Variants in CLASP1 observed in about 807,000 individuals in gnomAD.
The protein encoded by CLASP1 is cytoplasmic linker associated protein 1, also known as CLIP-associating protein 1.
Under a neutral mutation model 192.3 loss-of-function variants are expected in CLASP1, and 38 were observed. That is an observed-to-expected ratio of 0.20 (90% CI 0.15 to 0.26). The LOEUF is 0.26. Among genes scored for constraint, CLASP1 ranks in the 10% least tolerant of loss-of-function variants. CLASP1 has a pLI of 1.00. For missense variants in CLASP1, 1,433 were observed against 1,932.5 expected, an observed-to-expected ratio of 0.74 and a Z score of 4.85; for synonymous variants, 691 against 712.8, an observed-to-expected ratio of 0.97 and a Z score of 0.49.
intron 33 of CLASP1, among the ~76,000 whole-genome samples, chr2:121,377,937 G>C (rs1330533493): frequency 1.3e-5 from 2 of 152,182 alleles, no homozygotes; most frequent in Non-Finnish European, 2.9e-5. Context: ...ACTGGTGACT[G>C]AAGGCACGAG....
chr2:121,466,980 C>T (rs1030636617), intron 9 of CLASP1, among the ~76,000 whole-genome samples: 2 of 152,184 alleles, frequency 1.3e-5, no homozygotes, highest in Non-Finnish European at 2.9e-5. Flanking sequence ...CCACCCCAAA[C>T]CCTGCAACAG....
intron 6 of CLASP1, among the ~76,000 whole-genome samples, chr2:121,521,424 G>A (rs2094453100): frequency 6.6e-6 from 1 of 152,154 alleles, no homozygotes; most frequent in African/African-American, 2.4e-5. Flanking sequence ...TACCGGTGCT[G>A]TGCCTGTGCT....
intron 1 of CLASP1, among the ~76,000 whole-genome samples, chr2:121,640,341 C>T (rs1000729219): frequency 6.6e-6 from 1 of 152,034 alleles, no homozygotes; most frequent in Non-Finnish European, 1.5e-5. Context: ...GCACGTTGTG[C>T]ACATGTACCC....
chr2:121,646,703 A>G lies in CLASP1; in HGVS notation c.-286+2669T>C, dbSNP rs561608036. Reference sequence around the variant, plus strand: ...CATCTCATTCAACTTATAAATCAAGACACTAAGCTACTTAAGAAAATAAAC... The same window carrying G: ...CATCTCATTCAACTTATAAATCAAGGCACTAAGCTACTTAAGAAAATAAAC... On this transcript the variant is annotated intron_variant, in intron 1 of 39. Coordinates refer to ENST00000263710, the Ensembl canonical transcript of CLASP1. 5.9e-5 allele frequency among the ~76,000 whole-genome samples: 9 copies of G among 152,206 alleles called. No individual in the cohort carries two copies. The South Asian group carries it at 1.9e-3, about 31-fold the overall frequency.
chr2:121,592,288 T>C (rs2062495657), intron 2 of CLASP1, among the ~76,000 whole-genome samples: 1 of 152,248 alleles, frequency 6.6e-6, no homozygotes, highest in Non-Finnish European at 1.5e-5. Context: ...CCCTTCATAA[T>C]ATTTATGAAA....
chr2:121,381,605 T>C (rs1201225929), intron 33 of CLASP1, among the ~76,000 whole-genome samples: 1 of 152,102 alleles, frequency 6.6e-6, no homozygotes, highest in Non-Finnish European at 1.5e-5. Context: ...GCATCAACTG[T>C]GGGGGTGCGT....
At chr2:121,604,951 T>C (rs908767426) in intron 2 of CLASP1, among the ~76,000 whole-genome samples, 6 of 152,098 alleles carry the variant, frequency 3.9e-5, no homozygotes, top group Non-Finnish European at 5.9e-5. Flanking sequence ...GGCCACCCTC[T>C]AGGGAAATGA....
chr2:121,530,929 G>A lies in CLASP1; in HGVS notation c.196-604C>T, dbSNP rs181195449. On this transcript the variant is annotated intron_variant, in intron 2 of 39. Coordinates refer to ENST00000263710, the Ensembl canonical transcript of CLASP1. ...CTACTGTCCAATGAGCGCATAGTGA[G>A]GGCAGTACTGCTAACGCCTGAACAA... is the stretch of plus-strand genomic sequence containing the variant. 1.7e-4 allele frequency: 117 copies of A among 700,228 alleles called. No individual in the cohort carries two copies. Among genetic ancestry groups the A allele is most frequent in the Middle Eastern group, 3.6e-4 (1 of 2,758 alleles). The allele number at this position is 700,228 out of a possible 1,614,324, so 43.4% of individuals were successfully genotyped here.
chr2:121,347,248 G>GTT, intron 38 of CLASP1, 94 bp from the exon 40 acceptor site: 1 of 841,864 alleles, frequency 1.2e-6, no homozygotes. Context: ...TGCCCTCAGA[G>GTT]TTCAACCTTG....
chr2:121,371,786 C>T (rs1395465784), intron 34 of CLASP1, among the ~76,000 whole-genome samples: 1 of 152,192 alleles, frequency 6.6e-6, no homozygotes, highest in African/African-American at 2.4e-5. Flanking sequence ...CCTGAAGGAT[C>T]GCATCCAATC....
chr2:121,406,110 T>C (rs1283719365), intron 25 of CLASP1, among the ~76,000 whole-genome samples: 1 of 152,250 alleles, frequency 6.6e-6, no homozygotes, highest in East Asian at 1.9e-4. Context: ...TTGAGTCATC[T>C]TATAATCAAT....
intron 30 of CLASP1, among the ~76,000 whole-genome samples, chr2:121,388,439 G>A (rs1312006054): frequency 1.3e-5 from 2 of 152,176 alleles, no homozygotes; most frequent in Non-Finnish European, 2.9e-5. Context: ...GAGAGACTTT[G>A]AGAAGCAAAT....
chr2:121,557,199 G>A (rs920280271), intron 2 of CLASP1, among the ~76,000 whole-genome samples: 6 of 152,108 alleles, frequency 3.9e-5, no homozygotes, highest in African/African-American at 1.4e-4. Context: ...CTCTTTCCTG[G>A]TTATCAGTTC....
intron 2 of CLASP1, among the ~76,000 whole-genome samples, chr2:121,550,783 C>A (rs1293298147): frequency 1.3e-5 from 2 of 152,104 alleles, no homozygotes; most frequent in East Asian, 3.8e-4. Context: ...CCAAATTCTA[C>A]TAGATGTACA....
exon 40 of CLASP1, chr2:121,340,494 T>C (rs1240625554): frequency 3.2e-5 from 6 of 187,406 alleles, no homozygotes; most frequent in Non-Finnish European, 5.6e-5. Context: ...CCCAAATATG[T>C]TATTAACTGA....
chr2:121,528,801 T>A (rs1157441072), intron 3 of CLASP1, 21 bp from the exon 4 acceptor site: 1 of 1,582,104 alleles, frequency 6.3e-7, no homozygotes, highest in Non-Finnish European at 8.7e-7. Flanking sequence ...AAATGGAAAC[T>A]GATCAAATGA....
chr2:121,600,036 C>A (rs2105859566), intron 2 of CLASP1, among the ~76,000 whole-genome samples: 1 of 152,006 alleles, frequency 6.6e-6, no homozygotes, highest in Non-Finnish European at 1.5e-5. Flanking sequence ...CCAAATAAAG[C>A]CAAACTGTAC....
chr2:121,459,729 A>G (rs902135959), intron 12 of CLASP1: 1 of 328,246 alleles, frequency 3.0e-6, no homozygotes, highest in Non-Finnish European at 5.5e-6. Context: ...TTCCATATTA[A>G]TAACTGCTTC....
intron 2 of CLASP1, among the ~76,000 whole-genome samples, chr2:121,599,397 G>A (rs2063525442): frequency 6.7e-6 from 1 of 149,184 alleles, no homozygotes; most frequent in Admixed American, 6.7e-5. Context: ...AGACCAGCCT[G>A]GCCAATATGG....
Sources: allele counts gnomAD v4.1 joint callset (sites outside exome capture counted in the v4.1 genomes callset), GRCh38; gene constraint gnomAD v4.1.1; transcripts MANE v1.5; gene names NCBI Gene and HGNC (gene_info 2026-07-23, HGNC 2026-07-21).